The following ANKRD44 variants were observed in gnomAD, a reference collection of about 807,000 sequenced individuals.
The protein encoded by ANKRD44 is serine/threonine-protein phosphatase 6 regulatory ankyrin repeat subunit B.
Under a neutral mutation model 116.0 loss-of-function variants are expected in ANKRD44, and 35 were observed. The ratio of observed to expected loss-of-function variants is 0.30; its 90% CI spans 0.23 to 0.40. ANKRD44 has a LOEUF of 0.40. Among genes scored for constraint, ANKRD44 ranks in the 10% least tolerant of loss-of-function variants. The probability of loss-of-function intolerance (pLI) is 1.00; values close to 1 mark genes in which losing one functional copy is unlikely to be tolerated. For synonymous variants in ANKRD44, 435 were observed against 461.8 expected (o/e 0.94, Z 0.74); for missense variants, 1,014 against 1,242.6 (o/e 0.82, Z 2.77).
chr2:197,162,365 T>C (rs1300380926), intron 2 of ANKRD44, among the ~76,000 whole-genome samples: 1 of 152,184 alleles, frequency 6.6e-6, no homozygotes, highest in East Asian at 1.9e-4. Flanking sequence ...TATGAACCGT[T>C]TTATTTCTAA....
At chr2:197,210,141 T>C (rs1191004125) in intron 1 of ANKRD44, among the ~76,000 whole-genome samples, 1 of 152,042 alleles carries the variant, frequency 6.6e-6, no homozygotes, top group Non-Finnish European at 1.5e-5. Context: ...TTTTCTTGAC[T>C]CCTAAAAAAA....
chr2:197,038,404 C>A (rs1259495682), intron 16 of ANKRD44, among the ~76,000 whole-genome samples: 1 of 152,124 alleles, frequency 6.6e-6, no homozygotes, highest in East Asian at 1.9e-4. Context: ...AATAAACAAA[C>A]CTGACCTTTC....
At position 197,177,606 on chromosome 2, in the gene ANKRD44, G is replaced by A. The variant is rs188976433; in HGVS notation, c.111+9417C>T. On this transcript the variant is annotated intron_variant, in intron 2 of 27. Transcript: ENST00000282272. Reference sequence around the variant, plus strand: ...TTTGTGTGTGTGTTTGTGTGTGTGTGTGTATATATTTATATAAATTTTTTA... The same window carrying A: ...TTTGTGTGTGTGTTTGTGTGTGTGTATGTATATATTTATATAAATTTTTTA... 6.6e-4 allele frequency among the ~76,000 whole-genome samples: 101 copies of A among 152,136 alleles called. 1 individual carries two copies. The Middle Eastern group carries it at 0.01, about 15-fold the overall frequency.
intron 1 of ANKRD44, among the ~76,000 whole-genome samples, chr2:197,200,139 C>T (rs1040126796): frequency 1.3e-5 from 2 of 152,184 alleles, no homozygotes; most frequent in African/African-American, 2.4e-5. Flanking sequence ...TAAGACAGTA[C>T]TGAACCATGT....
In ANKRD44 at chr2:197,028,869, G is replaced by A. The variant is rs60296876; in HGVS notation, c.1651-3602C>T. On this transcript the variant is annotated intron_variant, in intron 16 of 27. Coordinates refer to ENST00000282272, the MANE Select transcript of ANKRD44 (RefSeq NM_001195144.2). ...TTTTCCTCTCTTTCCTACCACAGGC[G>A]TCTTCCTACAACCCCTTCTCATGTG... 3.8e-5 allele frequency: 7 copies of A among 184,428 alleles called. No individual in the cohort carries two copies. In the East Asian group the frequency reaches 6.5e-4, roughly 17 times the overall value. The allele number at this position is 184,428 out of a possible 1,614,324, so 11.4% of individuals were successfully genotyped here.
intron 16 of ANKRD44, among the ~76,000 whole-genome samples, chr2:197,067,514 GA>G (rs1318655669): frequency 7.0e-6 from 1 of 142,328 alleles, no homozygotes; most frequent in Non-Finnish European, 1.5e-5. Context: ...AAATTTACAA[GA>G]AAAAAACAAA....
intron 9 of ANKRD44, among the ~76,000 whole-genome samples, chr2:197,104,217 T>G (rs1404867221): frequency 1.3e-5 from 2 of 152,162 alleles, no homozygotes; most frequent in Non-Finnish European, 2.9e-5. Context: ...CCTTCTCAGA[T>G]TCAAACAATT....
intron 17 of ANKRD44, among the ~76,000 whole-genome samples, chr2:197,023,787 T>C (rs2076541093): frequency 6.6e-6 from 1 of 152,136 alleles, no homozygotes; most frequent in African/African-American, 2.4e-5. Context: ...CAGCAGATGG[T>C]TGGGCAGGGA....
At chr2:197,132,548 T>G (rs937547445) in intron 4 of ANKRD44, among the ~76,000 whole-genome samples, 3 of 152,200 alleles carry the variant, frequency 2.0e-5, no homozygotes, top group Non-Finnish European at 4.4e-5. Context: ...GGCTCCAAAA[T>G]TTTGACTTAG....
intron 8 of ANKRD44, among the ~76,000 whole-genome samples, chr2:197,116,521 G>A (rs956234572): frequency 6.6e-5 from 10 of 151,944 alleles, no homozygotes; most frequent in African/African-American, 2.4e-4. Context: ...ACAGTTCCTT[G>A]GTCTCTTTGA....
intron 16 of ANKRD44, among the ~76,000 whole-genome samples, chr2:197,068,371 A>T (rs192242005): frequency 0.02 from 1,094 of 54,428 alleles, 66 homozygotes; most frequent in Admixed American, 0.19. Context: ...TAAAAAAAAT[A>T]AAAAAAAGAA....
intron 8 of ANKRD44, among the ~76,000 whole-genome samples, chr2:197,111,286 T>TA (rs2078559142): frequency 1.3e-5 from 2 of 152,214 alleles, no homozygotes. Context: ...ACAAATGTGT[T>TA]ACCTTGCATG....
chr2:197,172,846 T>A lies in ANKRD44; in HGVS notation c.111+14177A>T, dbSNP rs1574198097. 2.0e-5 allele frequency among the ~76,000 whole-genome samples: 3 copies of A among 152,018 alleles called. No individual in the cohort carries two copies. In the South Asian group the frequency reaches 6.2e-4, roughly 32 times the overall value. On this transcript the variant is annotated intron_variant, in intron 2 of 27. Transcript: ENST00000282272. ...CTCCCAAACTGTTGGGATTACAGGC[T>A]TGAGCCACCACACCTGACCAACTGT...
intron 1 of ANKRD44, among the ~76,000 whole-genome samples, chr2:197,254,833 T>C (rs541004115): frequency 6.6e-6 from 1 of 152,308 alleles, no homozygotes; most frequent in South Asian, 2.1e-4. Flanking sequence ...ATTGATACTC[T>C]AGGCGTATGT....
At chr2:197,036,982 T>C (rs1229177466) in intron 16 of ANKRD44, among the ~76,000 whole-genome samples, 1 of 152,204 alleles carries the variant, frequency 6.6e-6, no homozygotes, top group African/African-American at 2.4e-5. Context: ...ATTAAAAATG[T>C]TTATCAAGAG....
intron 11 of ANKRD44, among the ~76,000 whole-genome samples, 155 bp downstream of exon 11, chr2:197,089,795 C>T (rs1299728527): frequency 6.6e-6 from 1 of 152,184 alleles, no homozygotes; most frequent in African/African-American, 2.4e-5. Context: ...TTGTTGGGAG[C>T]TGTCACATGC....
rs534010710 is a variant in ANKRD44, at chr2:197,026,358, G to A, written c.1651-1091C>T. On this transcript the variant is annotated intron_variant, in intron 16 of 27. Coordinates refer to ENST00000282272, the MANE Select transcript of ANKRD44 (RefSeq NM_001195144.2). ...AAGGAAGGTTCAAAGAACTCGAGGG[G>A]AGATTAGTTTGTAACTTTATGTAGG... is the stretch of plus-strand genomic sequence containing the variant. Among the ~76,000 whole-genome samples, 7 of 152,330 alleles carry A rather than the reference G, an allele frequency of 4.6e-5. No homozygotes were observed. The South Asian group carries it at 1.2e-3, about 27-fold the overall frequency.
At chr2:197,219,738 A>ATT (rs1397006884) in intron 1 of ANKRD44, among the ~76,000 whole-genome samples, 3 of 150,622 alleles carry the variant, frequency 2.0e-5, no homozygotes, top group African/African-American at 7.3e-5. Flanking sequence ...TAAATCACTG[A>ATT]TTTTTTTTTT....
intron 2 of ANKRD44, among the ~76,000 whole-genome samples, chr2:197,160,673 G>A (rs189487849): frequency 1.9e-4 from 29 of 152,186 alleles, no homozygotes; most frequent in African/African-American, 6.0e-4. Flanking sequence ...ATATATCAGC[G>A]ACTCTCACTC....
Sources: gnomAD v4.1 joint callset for allele counts (sites outside exome capture counted in the v4.1 genomes callset) on GRCh38, gnomAD v4.1.1 for gene constraint, MANE v1.5 for transcripts, NCBI Gene and HGNC (gene_info 2026-07-23, HGNC 2026-07-21) for gene names.